The following RP1 variants were observed in gnomAD, a reference collection of about 807,000 sequenced individuals.
RP1 encodes RP1 axonemal microtubule associated.
RP1 carries 16 observed loss-of-function variants against 14.8 expected under a neutral mutation model. The observed-to-expected ratio is 1.08, with a 90% CI of 0.73 to 1.65. RP1 has a LOEUF of 1.65. RP1 is among the 40% of genes most tolerant of loss of function. The pLI, the probability that RP1 is intolerant of heterozygous loss-of-function variation, is 0.00. For synonymous variants in RP1, 876 were observed against 883.6 expected (o/e 0.99, Z 0.15); for missense variants, 2,631 against 2,535.0 (o/e 1.04, Z -0.81).
intron 16 of RP1, among the ~76,000 whole-genome samples, chr8:54,725,050 A>G (rs1808622691): frequency 6.6e-6 from 1 of 152,122 alleles, no homozygotes; most frequent in African/African-American, 2.4e-5. Context: ...ATCAGAGGTC[A>G]TGTTTATGTG....
At chr8:54,639,223 A>T (rs1355103696) in intron 3 of RP1, among the ~76,000 whole-genome samples, 1 of 152,126 alleles carries the variant, frequency 6.6e-6, no homozygotes, top group Admixed American at 6.5e-5. Flanking sequence ...TAGCAAAATG[A>T]TTTTGAGATT....
At chr8:54,783,494 A>G (rs2129380755) in intron 23 of RP1, 1 of 901,334 alleles carries the variant, frequency 1.1e-6, no homozygotes, top group East Asian at 3.3e-5. Flanking sequence ...TTTTCCTAAT[A>G]TTAATGTGTT....
chr8:54,630,009 G>T lies in RP1; in HGVS notation c.6127G>T (p.Val2043Phe), dbSNP rs1315681507. 5 of 1,613,916 alleles carry T rather than the reference G, an allele frequency of 3.1e-6. No homozygotes were observed. The highest frequency in any genetic ancestry group is 3.4e-6 in the Non-Finnish European group (4 of 1,179,974). ...GAATTTCTTGCACACATCATTGTTA[G>T]TTGTGGGTAATGTGGATTCAAATAC... ...CMNFLHTSLL[V>F]VGNVDSNTQD... The change falls in exon 4 of 4, where the codon GTT (valine) becomes TTT (phenylalanine). Residue 2043 changes from valine (V) to phenylalanine (F), a missense_variant. Val to Phe is a conservative substitution (Grantham distance 50). Transcript: ENST00000220676.
At chr8:54,701,437 T>C (rs1808014726) in intron 13 of RP1, 1 of 1,462,226 alleles carries the variant, frequency 6.8e-7, no homozygotes, top group Non-Finnish European at 9.0e-7. Context: ...TACATTAAAT[T>C]TTTTTTTTCT....
intron 6 of RP1, among the ~76,000 whole-genome samples, chr8:54,657,141 C>T (rs1806772735): frequency 6.6e-6 from 1 of 152,144 alleles, no homozygotes; most frequent in Non-Finnish European, 1.5e-5. Flanking sequence ...GCATTGTTCT[C>T]ACCATTCATA....
At chr8:54,599,508 GA>G (rs1805225112) in intron 1 of RP1, among the ~76,000 whole-genome samples, 1 of 151,518 alleles carries the variant, frequency 6.6e-6, no homozygotes, top group Non-Finnish European at 1.5e-5. Context: ...GCCCAGGCTG[GA>G]ATGCGGTGGC....
At chr8:54,586,871 C>CCTT (rs1217053057) in intron 1 of RP1, among the ~76,000 whole-genome samples, 1 of 152,192 alleles carries the variant, frequency 6.6e-6, no homozygotes, top group East Asian at 1.9e-4. Context: ...GGGAGTGATC[C>CCTT]AATTTTCCAG....
intron 25 of RP1, among the ~76,000 whole-genome samples, chr8:54,851,412 GATTTCTC>G (rs1812059031): frequency 6.6e-6 from 1 of 152,128 alleles, no homozygotes; most frequent in Non-Finnish European, 1.5e-5. Context: ...AAATTTAAAA[GATTTCTC>G]AGTGAACAGA....
chr8:54,695,073 A>T (rs1400350271), intron 12 of RP1, among the ~76,000 whole-genome samples: 1 of 151,960 alleles, frequency 6.6e-6, no homozygotes, highest in Non-Finnish European at 1.5e-5. Flanking sequence ...TCATTTCGTT[A>T]TGCACCCAGT....
intron 12 of RP1, among the ~76,000 whole-genome samples, chr8:54,683,209 T>C (rs1807477366): frequency 6.6e-6 from 1 of 152,202 alleles, no homozygotes; most frequent in African/African-American, 2.4e-5. Context: ...TGTAGCCTTA[T>C]AGCATAGTTT....
intron 3 of RP1, among the ~76,000 whole-genome samples, chr8:54,645,258 G>A (rs566184787): frequency 6.6e-6 from 1 of 152,210 alleles, no homozygotes; most frequent in East Asian, 1.9e-4. Flanking sequence ...ATGGAATTTC[G>A]GGGATATATG....
chr8:54,772,171 T>TA, downstream of RP1, among the ~76,000 whole-genome samples: 1 of 152,202 alleles, frequency 6.6e-6, no homozygotes, highest in South Asian at 2.1e-4. Context: ...TTCATATAGG[T>TA]AAAATCATTC....
chr8:54,695,293 C>T (rs1416043335), intron 12 of RP1, among the ~76,000 whole-genome samples: 1 of 151,728 alleles, frequency 6.6e-6, no homozygotes, highest in Admixed American at 6.6e-5. Flanking sequence ...ATTTATTCAA[C>T]AAATATTTAT....
chr8:54,738,572 GT>G lies in RP1; in HGVS notation c.2722-360del, dbSNP rs1034302636. On this transcript the variant is annotated intron_variant, in intron 18 of 22. Transcript: ENST00000636932. Reference sequence around the variant, plus strand: ...ATTTAGCTTTTCTTTGGCGAAAATTGTTTTTTTTTTTAATTTCTTAAAATAC... The same window carrying G: ...ATTTAGCTTTTCTTTGGCGAAAATTGTTTTTTTTTTAATTTCTTAAAATAC... Among the ~76,000 whole-genome samples the G allele has an allele frequency of 8.5e-4, 124 of 145,954 alleles. 1 individual carries two copies. The highest frequency in any genetic ancestry group is 4.6e-3 in the South Asian group (21 of 4,570).
At chr8:54,714,550 C>T (rs1157348809) in intron 15 of RP1, among the ~76,000 whole-genome samples, 1 of 152,178 alleles carries the variant, frequency 6.6e-6, no homozygotes, top group East Asian at 1.9e-4. Context: ...AAGACAGCTT[C>T]AGCTCCCTAT....
intron 1 of RP1, among the ~76,000 whole-genome samples, chr8:54,579,257 C>G (rs1387284245): frequency 1.3e-5 from 2 of 152,142 alleles, no homozygotes; most frequent in African/African-American, 4.8e-5. Flanking sequence ...CAGACAGCCT[C>G]GTTTAATGAT....
intron 22 of RP1, among the ~76,000 whole-genome samples, chr8:54,767,975 A>G (rs781740969): frequency 1.3e-5 from 2 of 152,194 alleles, no homozygotes; most frequent in Non-Finnish European, 2.9e-5. Context: ...GTTCGCCTTT[A>G]TACCCCACAC....
rs1440704313 is a variant in RP1 at position 54,679,648 on chromosome 8, T to C, written c.1587+21T>C. ...AAACAGTAAGATTTTGTTTGGGCTT[T>C]AGATTATCTCATATAAACAATGTTC... On this transcript the variant is annotated intron_variant, in intron 11 of 22. Transcript: ENST00000636932. The C allele has an allele frequency of 7.8e-6, 12 of 1,535,400 alleles. No individual in the cohort carries two copies. In the African/African-American group the frequency reaches 1.6e-4, roughly 21 times the overall value.
At chr8:54,652,217 A>G (rs1806669911) in intron 4 of RP1, among the ~76,000 whole-genome samples, 1 of 152,180 alleles carries the variant, frequency 6.6e-6, no homozygotes, top group Non-Finnish European at 1.5e-5. Flanking sequence ...TGTGTTGGCC[A>G]GGCTGGTCTT....
Sources: allele counts gnomAD v4.1 joint callset (sites outside exome capture counted in the v4.1 genomes callset), GRCh38; gene constraint gnomAD v4.1.1; transcripts MANE v1.5; gene names NCBI Gene and HGNC (gene_info 2026-07-23, HGNC 2026-07-21).